NALF1: variants seen among roughly 807,000 people sequenced by gnomAD.
NALF1 encodes the protein family with sequence similarity 155 member A.
In NALF1, 3 loss-of-function variants were observed where a neutral mutation model predicts 48.4. The ratio of observed to expected loss-of-function variants is 0.06; its 90% confidence interval spans 0.03 to 0.16. The LOEUF (loss-of-function observed/expected upper bound fraction) is 0.16. Among genes scored for constraint, NALF1 ranks in the 10% least tolerant of loss-of-function variants. The pLI is 1.00. For synonymous variants in NALF1, 262 were observed against 245.7 expected, an observed-to-expected ratio of 1.07 and a Z score of -0.62; for missense variants, 526 against 571.5, an observed-to-expected ratio of 0.92 and a Z score of 0.81.
intron 1 of NALF1, among the ~76,000 whole-genome samples, chr13:107,683,876 G>A (rs1881364833): frequency 6.6e-6 from 1 of 152,200 alleles, no homozygotes; most frequent in African/African-American, 2.4e-5. Flanking sequence ...ACCTGCTGAG[G>A]GGACCCACAT....
intron 1 of NALF1, among the ~76,000 whole-genome samples, chr13:107,326,870 T>A (rs992093698): frequency 3.4e-5 from 5 of 148,240 alleles, no homozygotes; most frequent in Admixed American, 2.7e-4. Flanking sequence ...CACTGGGCCT[T>A]GAGGGTGATC....
At chr13:107,543,165 T>C (rs544333708) in intron 1 of NALF1, among the ~76,000 whole-genome samples, 26 of 152,142 alleles carry the variant, frequency 1.7e-4, no homozygotes, top group African/African-American at 6.0e-4. Context: ...GAAAAAGATA[T>C]TTACATTTAA....
At chr13:107,838,951 G>C (rs1005652815) in intron 1 of NALF1, among the ~76,000 whole-genome samples, 9 of 152,252 alleles carry the variant, frequency 5.9e-5, no homozygotes, top group African/African-American at 2.2e-4. Context: ...CACAGTAAGA[G>C]AGAGCACAGC....
At chr13:107,696,086 G>C (rs994585202) in intron 1 of NALF1, among the ~76,000 whole-genome samples, 1 of 152,040 alleles carries the variant, frequency 6.6e-6, no homozygotes, top group East Asian at 1.9e-4. Context: ...TAGTAGAGAC[G>C]GGGTTTGCAC....
intron 1 of NALF1, among the ~76,000 whole-genome samples, chr13:107,715,849 A>G (rs1875800001): frequency 6.6e-6 from 1 of 152,222 alleles, no homozygotes; most frequent in Non-Finnish European, 1.5e-5. Flanking sequence ...TTAAAATGAA[A>G]ACAAAAGTTC....
At chr13:107,680,094 TGTGCCCAG>T (rs905126136) in intron 1 of NALF1, among the ~76,000 whole-genome samples, 2 of 152,028 alleles carry the variant, frequency 1.3e-5, no homozygotes, top group African/African-American at 4.8e-5. Context: ...CAGGTGCCCA[TGTGCCCAG>T]GTGCCCAGCT....
Position 107,412,789 on chromosome 13 carries a change from G to A in NALF1, c.916-202034C>T, listed in dbSNP as rs7321795. ...CATTAACCAATGTTGTGAGGGCACC[G>A]GTTTCAGCCCTATTACAAGAGAGAC... On this transcript the variant is annotated intron_variant, in intron 1 of 2. Transcript: ENST00000375915. Among the ~76,000 whole-genome samples, 760 of 152,236 alleles carry A rather than the reference G, an allele frequency of 5.0e-3. 5 individuals are homozygous for A. Among genetic ancestry groups the A allele is most frequent in the African/African-American group, 0.018 (728 of 41,548 alleles).
intron 1 of NALF1, among the ~76,000 whole-genome samples, chr13:107,663,881 T>C (rs1467079209): frequency 6.6e-6 from 1 of 152,152 alleles, no homozygotes; most frequent in African/African-American, 2.4e-5. Context: ...TCATTCTCTG[T>C]TACTTATTCT....
intron 1 of NALF1, among the ~76,000 whole-genome samples, chr13:107,230,459 T>C (rs910377809): frequency 6.6e-6 from 1 of 152,166 alleles, no homozygotes; most frequent in African/African-American, 2.4e-5. Context: ...CCTATATTGA[T>C]TGTGAATATA....
At chr13:107,831,932 T>C (rs1016021481) in intron 1 of NALF1, among the ~76,000 whole-genome samples, 4 of 152,158 alleles carry the variant, frequency 2.6e-5, no homozygotes, top group Admixed American at 2.6e-4. Flanking sequence ...TTAAGGAAGA[T>C]GGGAATTCAA....
At chr13:107,763,118 A>T (rs929443335) in intron 1 of NALF1, among the ~76,000 whole-genome samples, 10 of 152,074 alleles carry the variant, frequency 6.6e-5, no homozygotes, top group African/African-American at 1.9e-4. Context: ...GGCATTAAAC[A>T]AACTTTTTGA....
chr13:107,501,765 T>G (rs1237908195), intron 1 of NALF1, among the ~76,000 whole-genome samples: 1 of 152,214 alleles, frequency 6.6e-6, no homozygotes, highest in Non-Finnish European at 1.5e-5. Context: ...ATATATGATT[T>G]CAGGCACTTA....
At chr13:107,563,085 A>T (rs1877693089) in intron 1 of NALF1, among the ~76,000 whole-genome samples, 1 of 152,250 alleles carries the variant, frequency 6.6e-6, no homozygotes, top group Admixed American at 6.5e-5. Context: ...ATTAATAACA[A>T]CAACAACAAA....
chr13:107,771,372 A>G (rs1425850962), intron 1 of NALF1, among the ~76,000 whole-genome samples: 1 of 151,916 alleles, frequency 6.6e-6, no homozygotes, highest in Admixed American at 6.6e-5. Flanking sequence ...TAACATACTT[A>G]ATGGCTATCA....
intron 1 of NALF1, among the ~76,000 whole-genome samples, chr13:107,246,083 G>A (rs1880578204): frequency 6.6e-6 from 1 of 152,126 alleles, no homozygotes; most frequent in African/African-American, 2.4e-5. Flanking sequence ...TCTGCACAAT[G>A]AGGTTCCTGA....
intron 1 of NALF1, among the ~76,000 whole-genome samples, chr13:107,786,892 G>T (rs185057631): frequency 1.3e-5 from 2 of 152,262 alleles, no homozygotes; most frequent in Admixed American, 6.5e-5. Context: ...CCACTTCTAG[G>T]AGCTGAGAGC....
At chr13:107,804,491 C>T (rs1158394413) in intron 1 of NALF1, among the ~76,000 whole-genome samples, 1 of 152,006 alleles carries the variant, frequency 6.6e-6, no homozygotes, top group Non-Finnish European at 1.5e-5. Context: ...CTCTAGCTCC[C>T]TGCAGTGGAA....
chr13:107,416,639 T>C (rs1211493447), intron 1 of NALF1, among the ~76,000 whole-genome samples: 1 of 152,192 alleles, frequency 6.6e-6, no homozygotes, highest in Non-Finnish European at 1.5e-5. Context: ...ATGGACTGTT[T>C]ATGTTATCAG....
chr13:107,829,120 A>T (rs16971235), intron 1 of NALF1, among the ~76,000 whole-genome samples: 20,886 of 152,192 alleles, frequency 0.14, 1,881 homozygotes, highest in East Asian at 0.31. Context: ...AAGGTCAGAA[A>T]GAAAGGCATA....
Sources: allele counts gnomAD v4.1 joint callset (sites outside exome capture counted in the v4.1 genomes callset), GRCh38; gene constraint gnomAD v4.1.1; transcripts MANE v1.5; gene names NCBI Gene and HGNC (gene_info 2026-07-23, HGNC 2026-07-21).